Variants in BMP6 observed in about 807,000 individuals in gnomAD.
The protein encoded by BMP6 is bone morphogenetic protein 6, also known as VG-1-R.
BMP6 carries 17 observed loss-of-function variants against 54.1 expected under a neutral mutation model. The ratio of observed to expected loss-of-function variants is 0.31; its 90% confidence interval spans 0.22 to 0.47. BMP6 has a LOEUF of 0.47. Among genes scored for constraint, BMP6 ranks in the 20% least tolerant of loss-of-function variants. The pLI, the probability that BMP6 is intolerant of heterozygous loss-of-function variation, is 1.00. For synonymous variants in BMP6, 328 were observed against 291.2 expected (o/e 1.13, Z -1.28); for missense variants, 720 against 690.4 (o/e 1.04, Z -0.48).
At chr6:7,748,660 C>A (rs569557541) in intron 1 of BMP6, among the ~76,000 whole-genome samples, 4 of 152,314 alleles carry the variant, frequency 2.6e-5, no homozygotes, top group African/African-American at 9.6e-5. Context: ...TTCCTACAGT[C>A]AGCTTCTGAC....
chr6:7,863,219 C>T (rs925909816), intron 4 of BMP6, among the ~76,000 whole-genome samples: 6 of 152,106 alleles, frequency 3.9e-5, no homozygotes, highest in African/African-American at 9.7e-5. Flanking sequence ...AGGATGGTCT[C>T]GATCTCCTGA....
rs904382802 is a variant in BMP6, at chr6:7,755,295, T to A, written c.664+27676T>A. Among the ~76,000 whole-genome samples the A allele has an allele frequency of 3.9e-5, 6 of 152,228 alleles. No individual in the cohort carries two copies. In the South Asian group the frequency reaches 1.2e-3, roughly 31 times the overall value. On this transcript the variant is annotated intron_variant, in intron 1 of 6. Transcript: ENST00000283147. ...TCTGCCTTCTTTTGGATTGTGTATT[T>A]TTTGTGATTTTATTTTATTTCCACT...
intron 2 of BMP6, among the ~76,000 whole-genome samples, chr6:7,853,205 GT>G (rs1217193939): frequency 6.6e-6 from 1 of 152,026 alleles, no homozygotes; most frequent in Non-Finnish European, 1.5e-5. Context: ...AAACAAGTGT[GT>G]TTTTTAGTTA....
At chr6:7,799,156 A>C (rs1758234419) in intron 1 of BMP6, among the ~76,000 whole-genome samples, 1 of 152,166 alleles carries the variant, frequency 6.6e-6, no homozygotes, top group Non-Finnish European at 1.5e-5. Context: ...ACTCCAAAGG[A>C]GGGAGAGAGG....
chr6:7,851,737 T>C (rs747268045), intron 2 of BMP6, among the ~76,000 whole-genome samples: 3 of 152,140 alleles, frequency 2.0e-5, no homozygotes, highest in Non-Finnish European at 4.4e-5. Flanking sequence ...TAAAGGAAAT[T>C]CTTCTCTATT....
chr6:7,782,357 G>A (rs909903070), intron 1 of BMP6, among the ~76,000 whole-genome samples: 2 of 152,176 alleles, frequency 1.3e-5, no homozygotes, highest in African/African-American at 4.8e-5. Context: ...GGTTGACAGA[G>A]TTCTGGAGGC....
Position 7,771,173 on chromosome 6 carries a change from C to A in BMP6, c.664+43554C>A, listed in dbSNP as rs80172022. ...TTAAAATCATACTGGTCAGTTAAGC[C>A]GCTGCAGAATAACAGATATGTACCT... On this transcript the variant is annotated intron_variant, in intron 1 of 6. Coordinates refer to ENST00000283147, the MANE Select transcript of BMP6 (RefSeq NM_001718.6). 9.4e-3 allele frequency among the ~76,000 whole-genome samples: 1,432 copies of A among 152,266 alleles called. 13 individuals are homozygous for A. Among genetic ancestry groups the A allele is most frequent in the Non-Finnish European group, 0.014 (971 of 68,032 alleles).
At chr6:7,839,848 G>A (rs1015063084) in intron 1 of BMP6, among the ~76,000 whole-genome samples, 1 of 152,212 alleles carries the variant, frequency 6.6e-6, no homozygotes, top group Non-Finnish European at 1.5e-5. Context: ...CTGGATCAAT[G>A]CTAATTTTAT....
intron 1 of BMP6, among the ~76,000 whole-genome samples, chr6:7,758,571 C>CA (rs1757561464): frequency 6.6e-6 from 1 of 152,246 alleles, no homozygotes; most frequent in African/African-American, 2.4e-5. Context: ...CTCTTCCCTA[C>CA]AGTGCCTTGT....
rs70982107 is a variant in BMP6 at position 7,808,914 on chromosome 6, TAAAAAAAAAAAA to T, written c.665-36213_665-36202del. ...GGGCAACAGAACAAGACCCTGTCTCTAAAAAAAAAAAAAAAAAAAAAAAATTGGTGAACATTC... is the reference window on the plus strand; with the variant it reads ...GGGCAACAGAACAAGACCCTGTCTCTAAAAAAAAAAAATTGGTGAACATTC... On this transcript the variant is annotated intron_variant, in intron 1 of 6. Transcript: ENST00000283147. Among the ~76,000 whole-genome samples, 3 of 88,968 alleles carry T rather than the reference TAAAAAAAAAAAA, an allele frequency of 3.4e-5. No individual in the cohort carries two copies. In the South Asian group the frequency reaches 1.2e-3, roughly 37 times the overall value. The allele number at this position is 88,968 out of a possible 152,430, so 58.4% of individuals were successfully genotyped here.
intron 1 of BMP6, among the ~76,000 whole-genome samples, chr6:7,734,354 C>T (rs915427403): frequency 3.3e-5 from 5 of 152,172 alleles, no homozygotes; most frequent in African/African-American, 1.2e-4. Flanking sequence ...TTTTCACCAC[C>T]ATTTTCTCTT....
Position 7,862,401 on chromosome 6 carries a change from C to A in BMP6, c.1107C>A (p.His369Gln), listed in dbSNP as rs755810484. 3.1e-6 allele frequency: 5 copies of A among 1,614,086 alleles called. No individual in the cohort carries two copies. The Admixed American group carries it at 5.0e-5, about 16-fold the overall frequency. The change falls in exon 4 of 7, where the codon CAC (histidine) becomes CAA (glutamine). Residue 369 changes from histidine (H) to glutamine (Q), a missense_variant. Coordinates refer to ENST00000283147, the MANE Select transcript of BMP6 (RefSeq NM_001718.6). Reference protein sequence around the residue: ...MVAFFKVSEVHVRTTRSASSR... With the variant: ...MVAFFKVSEVQVRTTRSASSR... ...CTTTCTTCAAAGTGAGTGAGGTGCA[C>A]GTGCGCACCACCAGGTCAGCCTCCA... is the stretch of plus-strand genomic sequence containing the variant.
chr6:7,865,461 C>T (rs1759405351), intron 4 of BMP6, among the ~76,000 whole-genome samples: 2 of 152,176 alleles, frequency 1.3e-5, no homozygotes, highest in African/African-American at 4.8e-5. Context: ...TGGGAAATTG[C>T]TCATGTCTGG....
At position 7,770,608 on chromosome 6, in the gene BMP6, A is replaced by G. The variant is rs922667808; in HGVS notation, c.664+42989A>G. On this transcript the variant is annotated intron_variant, in intron 1 of 6. Coordinates refer to ENST00000283147, the MANE Select transcript of BMP6 (RefSeq NM_001718.6). Reference sequence around the variant, plus strand: ...TCAATTTGACATCCCTGTTGATTTTATGGTATTACCCACACCCGGCCCTAA... The same window carrying G: ...TCAATTTGACATCCCTGTTGATTTTGTGGTATTACCCACACCCGGCCCTAA... Among the ~76,000 whole-genome samples the G allele has an allele frequency of 2.0e-5, 3 of 152,302 alleles. 1 individual carries two copies. The highest frequency in any genetic ancestry group is 4.2e-4 in the South Asian group (2 of 4,818).
At chr6:7,757,777 A>G (rs1428462291) in intron 1 of BMP6, among the ~76,000 whole-genome samples, 1 of 152,188 alleles carries the variant, frequency 6.6e-6, no homozygotes, top group Non-Finnish European at 1.5e-5. Context: ...TTCTTTCATA[A>G]TTATACAATG....
chr6:7,755,010 G>C (rs565035823), intron 1 of BMP6, among the ~76,000 whole-genome samples: 1 of 152,172 alleles, frequency 6.6e-6, no homozygotes, highest in African/African-American at 2.4e-5. Flanking sequence ...GAGCCACCGC[G>C]CCCGGACTAA....
intron 1 of BMP6, among the ~76,000 whole-genome samples, chr6:7,828,175 A>G (rs1327923795): frequency 6.6e-6 from 1 of 152,218 alleles, no homozygotes; most frequent in East Asian, 1.9e-4. Context: ...ATAGACATTT[A>G]CAATCAAATA....
chr6:7,768,722 G>A (rs1757731225), intron 1 of BMP6, among the ~76,000 whole-genome samples: 1 of 152,162 alleles, frequency 6.6e-6, no homozygotes, highest in Admixed American at 6.5e-5. Flanking sequence ...GACGCAAGGT[G>A]TTCCTCTTTA....
intron 1 of BMP6, among the ~76,000 whole-genome samples, chr6:7,745,779 C>A (rs1448546776): frequency 6.6e-6 from 1 of 151,154 alleles, no homozygotes; most frequent in East Asian, 1.9e-4. Flanking sequence ...CTGGCCCAAA[C>A]AGAGCATGAT....
Sources: gnomAD v4.1 joint callset for allele counts (sites outside exome capture counted in the v4.1 genomes callset) on GRCh38, gnomAD v4.1.1 for gene constraint, MANE v1.5 for transcripts, NCBI Gene and HGNC (gene_info 2026-07-23, HGNC 2026-07-21) for gene names.